Variants in ATP8B4 observed in about 807,000 individuals in gnomAD.
ATP8B4 encodes ATPase phospholipid transporting 8B4 (putative), also known as probable phospholipid-transporting ATPase IM.
In ATP8B4, 133 loss-of-function variants were observed where a neutral mutation model predicts 145.6. The observed-to-expected ratio is 0.91, with a 90% CI of 0.79 to 1.05. ATP8B4 has a LOEUF of 1.05. Among genes scored for constraint, ATP8B4 ranks in the 50% least tolerant of loss-of-function variants. ATP8B4 has a pLI of 0.00. For missense variants in ATP8B4, 1,458 were observed against 1,425.2 expected (o/e 1.02, Z -0.37); for synonymous variants, 507 against 492.9 (o/e 1.03, Z -0.38).
intron 2 of ATP8B4, among the ~76,000 whole-genome samples, chr15:50,101,073 TA>T (rs1197490675): frequency 6.6e-5 from 10 of 152,268 alleles, no homozygotes; most frequent in African/African-American, 2.4e-4. Flanking sequence ...ATTTTAAATT[TA>T]AAAGAAAATA....
intron 20 of ATP8B4, among the ~76,000 whole-genome samples, chr15:49,911,859 A>C (rs1379461299): frequency 6.6e-6 from 1 of 152,200 alleles, no homozygotes; most frequent in African/African-American, 2.4e-5. Context: ...CAATGGAATG[A>C]AACTAGAAAT....
Position 50,056,978 on chromosome 15 carries a change from G to A in ATP8B4, c.88-9514C>T, listed in dbSNP as rs145914113. ...TGGCCTCAGGTGATCCTCCCACCTC[G>A]GCCTCTCACAGAACTGGGATTACAG... On this transcript the variant is annotated intron_variant, in intron 3 of 27. Transcript: ENST00000284509. 5.9e-5 allele frequency among the ~76,000 whole-genome samples: 9 copies of A among 151,958 alleles called. No homozygotes were observed. The East Asian group carries it at 1.4e-3, about 23-fold the overall frequency.
rs773499386 is a variant in ATP8B4, at chr15:49,934,054, A to G, written c.1416T>C (p.Ala472=). 1.2e-6 allele frequency: 2 copies of G among 1,612,596 alleles called. No homozygotes were observed. The highest frequency in any genetic ancestry group is 1.1e-5 in the South Asian group (1 of 90,962). Residue 472 remains alanine (A), a synonymous_variant, in exon 15 of 28, where the codon GCT becomes GCC. Transcript: ENST00000284509. The part of the protein sequence containing the change: ...PKVHEFLRLL[A]LCHTVMSEEN... ...CTTCTGACATTACAGTGTGGCAGAG[A>G]GCAAGTAACCTAAGGAATTCATGAA...
At chr15:50,000,079 A>G (rs768629710) in intron 8 of ATP8B4, among the ~76,000 whole-genome samples, 2 of 152,124 alleles carry the variant, frequency 1.3e-5, no homozygotes, top group Admixed American at 6.6e-5. Flanking sequence ...ATGTACCACA[A>G]TTTATTCAAC....
intron 23 of ATP8B4, 88 bp from the exon 24 acceptor site, chr15:49,879,547 G>T: frequency 8.4e-7 from 1 of 1,190,718 alleles, no homozygotes; most frequent in Non-Finnish European, 1.2e-6. Context: ...GGTTTTCTGA[G>T]GTGGGTGGGA....
chr15:49,862,109 G>A, intron 27 of ATP8B4, 136 bp downstream of exon 27: 1 of 1,119,212 alleles, frequency 8.9e-7, no homozygotes, highest in Non-Finnish European at 1.3e-6. Flanking sequence ...CTATTCTGAT[G>A]TGATCTCATG....
chr15:49,944,840 A>C (rs1456167288), intron 14 of ATP8B4, among the ~76,000 whole-genome samples: 1 of 152,182 alleles, frequency 6.6e-6, no homozygotes, highest in Non-Finnish European at 1.5e-5. Flanking sequence ...CAACAAATTT[A>C]AGATTAAGAT....
intron 9 of ATP8B4, among the ~76,000 whole-genome samples, chr15:49,991,285 T>C (rs1463384812): frequency 6.6e-6 from 1 of 152,200 alleles, no homozygotes; most frequent in African/African-American, 2.4e-5. Flanking sequence ...GATTCCTGAA[T>C]AAAGAGTCAA....
intron 5 of ATP8B4, among the ~76,000 whole-genome samples, chr15:50,040,767 G>C (rs1361107504): frequency 6.6e-6 from 1 of 152,166 alleles, no homozygotes; most frequent in African/African-American, 2.4e-5. Context: ...GGAAGGATTA[G>C]AAATGGTAGT....
rs188951868 is a variant in ATP8B4, at chr15:50,046,937, C to A, written c.201+414G>T. 2.2e-3 allele frequency among the ~76,000 whole-genome samples: 336 copies of A among 152,278 alleles called. 1 individual carries two copies. The highest frequency in any genetic ancestry group is 7.7e-3 in the African/African-American group (319 of 41,556). On this transcript the variant is annotated intron_variant, in intron 4 of 27. Transcript: ENST00000284509. ...CACTTTATATATATTAAAAATATGT[C>A]ACTGTTCTTAAATGAAAATGAAATG...
At chr15:49,861,752 C>T (rs2031859506) in intron 27 of ATP8B4, among the ~76,000 whole-genome samples, 1 of 152,202 alleles carries the variant, frequency 6.6e-6, no homozygotes, top group Non-Finnish European at 1.5e-5. Flanking sequence ...CTAATCTACC[C>T]AGCATGCTGC....
chr15:49,938,503 A>G (rs1266897471), intron 14 of ATP8B4, among the ~76,000 whole-genome samples: 2 of 152,136 alleles, frequency 1.3e-5, no homozygotes, highest in East Asian at 3.9e-4. Flanking sequence ...ACAGTAAAAA[A>G]ACAAAGAAGG....
intron 3 of ATP8B4, among the ~76,000 whole-genome samples, chr15:50,058,817 A>C (rs546546288): frequency 1.3e-5 from 2 of 151,860 alleles, no homozygotes; most frequent in African/African-American, 4.8e-5. Context: ...CTATATTCAA[A>C]CAAACCCACA....
intron 9 of ATP8B4, among the ~76,000 whole-genome samples, chr15:49,990,971 A>G (rs1487444743): frequency 2.0e-5 from 3 of 152,108 alleles, no homozygotes; most frequent in Non-Finnish European, 4.4e-5. Context: ...CCTATTTTCT[A>G]AAGCTTCTTT....
At chr15:49,944,498 A>G (rs1270697124) in intron 14 of ATP8B4, among the ~76,000 whole-genome samples, 1 of 152,206 alleles carries the variant, frequency 6.6e-6, no homozygotes, top group Non-Finnish European at 1.5e-5. Flanking sequence ...TAAAAGGGTC[A>G]ATCCACCAGG....
At chr15:49,996,877 T>C (rs1468031008) in intron 8 of ATP8B4, 118 bp from the exon 9 acceptor site, 1 of 695,830 alleles carries the variant, frequency 1.4e-6, no homozygotes, top group Non-Finnish European at 2.4e-6. Flanking sequence ...CAAGAAACTC[T>C]CCTTTGAATG....
rs371940933 is a variant in ATP8B4 at position 49,923,371 on chromosome 15, G to C, written c.1758+8C>G. ...CCATTGTGCTAACCTTAAGACGGAG[G>C]CACTTACACTGAGGTGGTCTGACGT... On this transcript the variant is annotated splice_region_variant and intron_variant, in intron 17 of 27. Transcript: ENST00000284509. The C allele has an allele frequency of 1.9e-6, 3 of 1,583,646 alleles. No individual in the cohort carries two copies. The highest frequency in any genetic ancestry group is 2.6e-6 in the Non-Finnish European group (3 of 1,153,572).
intron 25 of ATP8B4, among the ~76,000 whole-genome samples, chr15:49,871,406 T>C (rs1292769875): frequency 6.6e-6 from 1 of 152,228 alleles, no homozygotes; most frequent in Non-Finnish European, 1.5e-5. Context: ...CTCTGGGACT[T>C]ACTGTGTGAC....
chr15:49,929,979 A>G (rs1247025313), intron 16 of ATP8B4, among the ~76,000 whole-genome samples: 2 of 152,054 alleles, frequency 1.3e-5, no homozygotes, highest in African/African-American at 4.8e-5. Context: ...GACCTGAGAA[A>G]CTAATCTGGG....
Sources: gnomAD v4.1 joint callset for allele counts (sites outside exome capture counted in the v4.1 genomes callset) on GRCh38, gnomAD v4.1.1 for gene constraint, MANE v1.5 for transcripts, NCBI Gene and HGNC (gene_info 2026-07-23, HGNC 2026-07-21) for gene names.